ARHGAP6: variants seen among roughly 807,000 people sequenced by gnomAD.
The protein encoded by ARHGAP6 is Rho GTPase activating protein 6, also known as rho GTPase-activating protein 6.
A neutral mutation model predicts 55.7 loss-of-function variants in ARHGAP6; 16 were observed. The observed-to-expected ratio is 0.29, with a 90% CI of 0.19 to 0.44. The LOEUF (loss-of-function observed/expected upper bound fraction) is 0.44. Ranked by LOEUF, ARHGAP6 falls within the 20% of genes least tolerant of loss-of-function variation. The pLI is 1.00. For missense variants in ARHGAP6, 698 were observed against 808.9 expected, an observed-to-expected ratio of 0.86 and a Z score of 1.66; for synonymous variants, 382 against 360.9, an observed-to-expected ratio of 1.06 and a Z score of -0.66.
At chrX:11,631,128 A>G (rs2052356041) in intron 1 of ARHGAP6, among the ~76,000 whole-genome samples, 1 of 111,529 alleles carries the variant, frequency 9.0e-6, no homozygotes, top group South Asian at 3.8e-4. Context: ...GAAATCTACA[A>G]TCATTTCAAA....
intron 1 of ARHGAP6, among the ~76,000 whole-genome samples, chrX:11,464,393 C>T (rs779091270): frequency 2.9e-4 from 32 of 111,935 alleles, no homozygotes; most frequent in Non-Finnish European, 4.9e-4. Flanking sequence ...AAAACTGAAA[C>T]TAAGTCACAG....
intron 2 of ARHGAP6, among the ~76,000 whole-genome samples, chrX:11,198,437 CCATAAA>C (rs2046573000): frequency 8.9e-6 from 1 of 111,869 alleles, no homozygotes; most frequent in South Asian, 3.7e-4. Context: ...ATTACACAGA[CCATAAA>C]CATGCTAACT....
At chrX:11,355,502 G>A (rs2048920542) in intron 1 of ARHGAP6, among the ~76,000 whole-genome samples, 1 of 112,452 alleles carries the variant, frequency 8.9e-6, no homozygotes, top group East Asian at 2.8e-4. Context: ...TATCTTTCAA[G>A]AGAGCAGATT....
At chrX:11,187,709 G>A (rs1448220939) in intron 4 of ARHGAP6, among the ~76,000 whole-genome samples, 1 of 111,820 alleles carries the variant, frequency 8.9e-6, no homozygotes, top group African/African-American at 3.3e-5. Flanking sequence ...GTCTTCAACA[G>A]CTGGAGGTGG....
chrX:11,229,495 G>T (rs1053278125), intron 2 of ARHGAP6, among the ~76,000 whole-genome samples: 11 of 111,933 alleles, frequency 9.8e-5, no homozygotes, highest in African/African-American at 3.3e-4. Context: ...ATTATGTAGG[G>T]TGCTTTGTTT....
chrX:11,323,866 CAAAAAAAAAAAA>C (rs61462099), intron 1 of ARHGAP6, among the ~76,000 whole-genome samples: 2 of 40,299 alleles, frequency 5.0e-5, no homozygotes, highest in African/African-American at 1.1e-4. Flanking sequence ...ACCCCCATTT[CAAAAAAAAAAAA>C]AAAAAAAAAG....
intron 1 of ARHGAP6, among the ~76,000 whole-genome samples, chrX:11,311,104 G>T (rs1407878046): frequency 9.0e-6 from 1 of 111,205 alleles, no homozygotes; most frequent in African/African-American, 3.3e-5. Context: ...AAAAAAATTA[G>T]GGTATTGCCT....
chrX:11,498,365 C>T (rs2050644044), intron 1 of ARHGAP6, among the ~76,000 whole-genome samples: 2 of 112,147 alleles, frequency 1.8e-5, no homozygotes, highest in Admixed American at 1.9e-4. Context: ...ATGAGAACTT[C>T]ATACATACTC....
chrX:11,481,173 T>C (rs2147837685), intron 1 of ARHGAP6, among the ~76,000 whole-genome samples: 1 of 111,322 alleles, frequency 9.0e-6, no homozygotes, highest in East Asian at 2.8e-4. Context: ...ATGGTGATAC[T>C]AACTAGAGGC....
chrX:11,315,416 G>A (rs2048348649), intron 1 of ARHGAP6, among the ~76,000 whole-genome samples: 2 of 111,995 alleles, frequency 1.8e-5, no homozygotes, highest in Admixed American at 9.4e-5. Context: ...GACGGGCGGC[G>A]GAGCACAGGC....
At chrX:11,441,705 C>T (rs1022655724) in intron 1 of ARHGAP6, among the ~76,000 whole-genome samples, 1 of 111,913 alleles carries the variant, frequency 8.9e-6, no homozygotes, top group African/African-American at 3.3e-5. Context: ...AATCGAGAGT[C>T]ATGAGATTTT....
intron 1 of ARHGAP6, among the ~76,000 whole-genome samples, chrX:11,589,994 C>T (rs185606219): frequency 9.0e-6 from 1 of 111,218 alleles, no homozygotes; most frequent in African/African-American, 3.3e-5. Context: ...AAGTACCAGC[C>T]CTATAGATGA....
At chrX:11,516,956 G>C (rs2050847693) in intron 1 of ARHGAP6, among the ~76,000 whole-genome samples, 1 of 111,355 alleles carries the variant, frequency 9.0e-6, no homozygotes, top group South Asian at 3.8e-4. Flanking sequence ...TTCCGCTACT[G>C]TTTCTTGGAA....
chrX:11,250,335 C>G (rs1255614537), intron 2 of ARHGAP6, among the ~76,000 whole-genome samples: 1 of 112,064 alleles, frequency 8.9e-6, no homozygotes, highest in Non-Finnish European at 1.9e-5. Flanking sequence ...TCCTAATTTC[C>G]TTTCTTATCC....
intron 1 of ARHGAP6, among the ~76,000 whole-genome samples, chrX:11,316,080 C>G (rs2048356959): frequency 8.9e-6 from 1 of 112,117 alleles, no homozygotes; most frequent in Admixed American, 9.5e-5. Flanking sequence ...GTCAGTAAAT[C>G]TTGTTGGCTG....
chrX:11,336,107 A>G (rs1289961293), intron 1 of ARHGAP6, among the ~76,000 whole-genome samples: 1 of 112,112 alleles, frequency 8.9e-6, no homozygotes, highest in African/African-American at 3.2e-5. Context: ...AAATAGTTCA[A>G]CCTGGACTAT....
At chrX:11,650,525 T>C (rs895860548) in intron 1 of ARHGAP6, among the ~76,000 whole-genome samples, 1 of 111,473 alleles carries the variant, frequency 9.0e-6, no homozygotes, top group Non-Finnish European at 1.9e-5. Context: ...TCAAGATCCA[T>C]TGACTCTCCT....
chrX:11,194,535 C>T (rs1482060077), intron 3 of ARHGAP6, among the ~76,000 whole-genome samples: 3 of 111,937 alleles, frequency 2.7e-5, no homozygotes, highest in Admixed American at 9.5e-5. Flanking sequence ...CTTTCACCTT[C>T]TTTTTTCCAA....
chrX:11,537,234 G>T (rs1354894356), intron 1 of ARHGAP6, among the ~76,000 whole-genome samples: 3 of 112,365 alleles, frequency 2.7e-5, no homozygotes, highest in African/African-American at 9.7e-5. Flanking sequence ...AGAGACAGTG[G>T]TTCTCAACTG....
Sources: gnomAD v4.1 joint callset for allele counts (sites outside exome capture counted in the v4.1 genomes callset) on GRCh38, gnomAD v4.1.1 for gene constraint, MANE v1.5 for transcripts, NCBI Gene and HGNC (gene_info 2026-07-23, HGNC 2026-07-21) for gene names.